The following NUP214 variants were observed in gnomAD, a reference collection of about 807,000 sequenced individuals.
The protein encoded by NUP214 is nuclear pore complex protein Nup214.
A neutral mutation model predicts 196.2 loss-of-function variants in NUP214; 79 were observed. The observed-to-expected ratio is 0.40, with a 90% CI of 0.34 to 0.49. The LOEUF (loss-of-function observed/expected upper bound fraction) is 0.49, where lower values mean the gene tolerates loss of function less well. NUP214 is among the 20% of genes least tolerant of loss of function. The pLI is 0.58. For synonymous variants in NUP214, 1,020 were observed against 990.5 expected (o/e 1.03, Z -0.56); for missense variants, 2,468 against 2,539.0 (o/e 0.97, Z 0.60).
chr9:131,134,960 CACGGAGAG>C lies in NUP214; in HGVS notation c.897_904del (p.Glu300AlafsTer9). ...TTATGGAGCCCTGTTATGGCAGCTG[CACGGAGAG>C]ACAGCATCATTACTACCTCAGTTAC... On this transcript the variant is annotated frameshift_variant, in exon 8 of 36. Transcript: ENST00000359428. LOFTEE classifies it high-confidence loss of function. 1 of 1,613,756 alleles carries C rather than the reference CACGGAGAG, an allele frequency of 6.2e-7. No homozygotes were observed. Among genetic ancestry groups the C allele is most frequent in the Non-Finnish European group, 8.5e-7 (1 of 1,179,788 alleles).
In NUP214 at chr9:131,134,922, A is replaced by T. The variant is rs769695339; in HGVS notation, c.856A>T (p.Ile286Leu). The part of the protein sequence containing the change: ...LPKKEEKHPE[I>L]FVNFMEPCYG... Reference sequence around the variant, plus strand: ...GAAAAAAGAAGAAAAGCACCCAGAGATATTTGTGAACTTTATGGAGCCCTG... The same window carrying T: ...GAAAAAAGAAGAAAAGCACCCAGAGTTATTTGTGAACTTTATGGAGCCCTG... The change falls in exon 8 of 36, where the codon ATA becomes TTA. Residue 286 changes from isoleucine (I) to leucine (L), a missense_variant. Coordinates refer to ENST00000359428, the MANE Select transcript of NUP214 (RefSeq NM_005085.4). The T allele has an allele frequency of 3.1e-6, 5 of 1,613,718 alleles. No individual in the cohort carries two copies. In the African/African-American group the frequency reaches 6.7e-5, roughly 22 times the overall value.
At chr9:131,158,304 C>T (rs1357510487) in intron 17 of NUP214, among the ~76,000 whole-genome samples, 1 of 152,212 alleles carries the variant, frequency 6.6e-6, no homozygotes. Context: ...GTCTGGAAGT[C>T]CTGGCCTCAG....
In NUP214 at chr9:131,184,002, CTTTTCTTTTTCTT is replaced by C. The variant is rs1473163057; in HGVS notation, c.3420-3269_3420-3257del. ...AATTCTTACACTATTCGTATTTTTT[CTTTTCTTTTTCTT>C]TTTTCTTTTTCTTTTTTTTTTTTTT... On this transcript the variant is annotated intron_variant, in intron 24 of 35. Transcript: ENST00000359428. 8.7e-4 allele frequency among the ~76,000 whole-genome samples: 108 copies of C among 123,764 alleles called. No homozygotes were observed. In the East Asian group the frequency reaches 0.012, roughly 14 times the overall value. 81.2% of individuals were successfully genotyped at this position (123,764 alleles called of 152,430 possible).
Position 131,144,490 on chromosome 9 carries a change from A to G in NUP214, c.1505A>G (p.Tyr502Cys). 3 of 1,614,098 alleles carry G rather than the reference A, an allele frequency of 1.9e-6. No individual in the cohort carries two copies. The highest frequency in any genetic ancestry group is 2.5e-6 in the Non-Finnish European group (3 of 1,180,014). The stretch of plus-strand genomic sequence containing the variant: ...ACGGTCACTGGGGAGCCCCCTTCAT[A>G]TTCCAGTGGCTCCGACAGCTCCAAA... Reference protein sequence around the residue: ...SATVTGEPPSYSSGSDSSKAA... With the variant: ...SATVTGEPPSCSSGSDSSKAA... Residue 502 changes from tyrosine to cysteine, a missense_variant, in exon 12 of 36, where the codon TAT (tyrosine) becomes TGT (cysteine). By Grantham distance (194) the Tyr-to-Cys change is radical. Transcript: ENST00000359428.
intron 11 of NUP214, among the ~76,000 whole-genome samples, chr9:131,143,676 G>A (rs917545251): frequency 9.2e-5 from 14 of 151,962 alleles, no homozygotes; most frequent in African/African-American, 3.4e-4. Context: ...ATCTCAATTT[G>A]TATGAGCTTT....
At chr9:131,162,124 A>G (rs1832657564) in intron 18 of NUP214, among the ~76,000 whole-genome samples, 1 of 152,186 alleles carries the variant, frequency 6.6e-6, no homozygotes, top group Admixed American at 6.5e-5. Context: ...CCTGCTGTAC[A>G]GCATGGTTTT....
In NUP214 at chr9:131,200,432, G is replaced by A. The variant is rs191471913; in HGVS notation, c.5522-1215G>A. Among the ~76,000 whole-genome samples, 364 of 152,296 alleles carry A rather than the reference G, an allele frequency of 2.4e-3. 4 individuals are homozygous for A. Among genetic ancestry groups the A allele is most frequent in the African/African-American group, 8.3e-3 (346 of 41,570 alleles). ...CTCTACTAAAAACACAAACATTGCCGGGCGCGGTGGCTCACGCCTGTAATC... is the reference window on the plus strand; with the variant it reads ...CTCTACTAAAAACACAAACATTGCCAGGCGCGGTGGCTCACGCCTGTAATC... On this transcript the variant is annotated intron_variant, in intron 29 of 35. Transcript: ENST00000359428.
At position 131,129,298 on chromosome 9, in the gene NUP214, C is replaced by A; in HGVS notation, c.413C>A (p.Pro138Gln). The A allele has an allele frequency of 6.2e-7, 1 of 1,614,106 alleles. No homozygotes were observed. Among genetic ancestry groups the A allele is most frequent in the South Asian group, 1.1e-5 (1 of 91,074 alleles). The change falls in exon 4 of 36, where the codon CCA (proline) becomes CAA (glutamine). Residue 138 changes from proline to glutamine, a missense_variant. Physicochemically the swap from Pro to Gln is moderately conservative, Grantham distance 76 (BLOSUM62 -1). Transcript: ENST00000359428. ...TAAAAGGCTAAACAGCAAAAACGCC[C>A]ATTTGCCTATCATAAGCTTTTGAAA... Reference protein sequence around the residue: ...FSNEAKQQKRPFAYHKLLKDA... With the variant: ...FSNEAKQQKRQFAYHKLLKDA...
At chr9:131,159,749 A>G (rs1832574121) in intron 18 of NUP214, among the ~76,000 whole-genome samples, 1 of 151,360 alleles carries the variant, frequency 6.6e-6, no homozygotes, top group South Asian at 2.1e-4. Flanking sequence ...CCCAGCTACT[A>G]TGGAGGCTGA....
At chr9:131,199,678 C>T (rs1217494567) in intron 29 of NUP214, among the ~76,000 whole-genome samples, 1 of 152,140 alleles carries the variant, frequency 6.6e-6, no homozygotes, top group Non-Finnish European at 1.5e-5. Context: ...ATAAGCAAGG[C>T]AATTTGAAAA....
At chr9:131,206,148 C>CTTTTTTTTTTTTTTTTTTTTTTTT (rs71265048) in intron 30 of NUP214, among the ~76,000 whole-genome samples, 1,745 of 76,282 alleles carry the variant, frequency 0.023, 328 homozygotes, top group East Asian at 0.028. Context: ...TTTCTTTTTT[C>CTTTTTTTTTTTTTTTTTTTTTTTT]TTTTTTTTTT....
intron 28 of NUP214, among the ~76,000 whole-genome samples, chr9:131,195,894 G>A (rs1027814120): frequency 2.6e-5 from 4 of 151,872 alleles, no homozygotes; most frequent in Admixed American, 1.3e-4. Flanking sequence ...CCGTGGTGGC[G>A]CATACCTATA....
At chr9:131,162,457 A>G (rs1219059713) in intron 18 of NUP214, among the ~76,000 whole-genome samples, 1 of 152,176 alleles carries the variant, frequency 6.6e-6, no homozygotes, top group Non-Finnish European at 1.5e-5. Flanking sequence ...AGTCAGACCT[A>G]CTTCCCAGAG....
At chr9:131,187,765 T>G (rs922279271) in intron 25 of NUP214, among the ~76,000 whole-genome samples, 1 of 152,222 alleles carries the variant, frequency 6.6e-6, no homozygotes, top group Non-Finnish European at 1.5e-5. Flanking sequence ...TGACTTTGTT[T>G]AAATGAACCA....
intron 21 of NUP214, among the ~76,000 whole-genome samples, chr9:131,173,047 C>G (rs1236100949): frequency 6.6e-6 from 1 of 152,076 alleles, no homozygotes; most frequent in East Asian, 1.9e-4. Context: ...ATTCTATTTT[C>G]TCTTTTGGGT....
In NUP214 at chr9:131,132,115, C is replaced by CTTTTTTTTTT. The variant is rs142450352; in HGVS notation, c.664-478_664-477insTTTTTTTTTT. The stretch of plus-strand genomic sequence containing the variant: ...TGCGTTCATGCGTTTCTTTTCTTTT[C>CTTTTTTTTTT]TTTCTTTTTTTTTTTTTTTTGGAGA... On this transcript the variant is annotated intron_variant, in intron 5 of 35. Coordinates refer to ENST00000359428, the MANE Select transcript of NUP214 (RefSeq NM_005085.4). 2.7e-4 allele frequency among the ~76,000 whole-genome samples: 29 copies of CTTTTTTTTTT among 108,162 alleles called. 2 individuals carry two copies. Among genetic ancestry groups the CTTTTTTTTTT allele is most frequent in the Non-Finnish European group, 3.8e-4 (21 of 54,812 alleles). 71.0% of individuals were successfully genotyped at this position (108,162 alleles called of 152,430 possible). A position where few individuals can be genotyped will look rare whatever the true frequency, so the allele number is the denominator to read the frequency against.
At chr9:131,161,838 T>C (rs1388297436) in intron 18 of NUP214, among the ~76,000 whole-genome samples, 1 of 152,188 alleles carries the variant, frequency 6.6e-6, no homozygotes, top group Non-Finnish European at 1.5e-5. Flanking sequence ...CTAGATGACA[T>C]CACCTATTAC....
intron 5 of NUP214, among the ~76,000 whole-genome samples, chr9:131,131,931 T>C (rs150073580): frequency 2.9e-4 from 44 of 151,962 alleles, no homozygotes; most frequent in Non-Finnish European, 5.3e-4. Flanking sequence ...TCAAGCAGTG[T>C]GCCCACCTTG....
chr9:131,141,144 A>AC (rs1831902541), intron 11 of NUP214, among the ~76,000 whole-genome samples: 1 of 152,054 alleles, frequency 6.6e-6, no homozygotes, highest in African/African-American at 2.4e-5. Context: ...TCACCAAAAA[A>AC]AAAAAAACCA....
Sources: allele counts gnomAD v4.1 joint callset (sites outside exome capture counted in the v4.1 genomes callset), GRCh38; gene constraint gnomAD v4.1.1; transcripts MANE v1.5; gene names NCBI Gene and HGNC (gene_info 2026-07-23, HGNC 2026-07-21).